The following SAMMSON variants were observed in gnomAD, a reference collection of about 807,000 sequenced individuals.
The protein encoded by SAMMSON is survival associated mitochondrial melanoma specific oncogenic non-coding RNA, also known as long intergenic non-protein coding RNA 1212.
At chr3:70,333,146 A>G (rs1215234813) in intron 7 of SAMMSON, among the ~76,000 whole-genome samples, 3 of 151,622 alleles carry the variant, frequency 2.0e-5, no homozygotes, top group Non-Finnish European at 2.9e-5. Flanking sequence ...CTTGTTTCCA[A>G]TATTGCCGGA....
chr3:70,400,078 A>C (rs1701127598), intron 2 of SAMMSON, among the ~76,000 whole-genome samples: 1 of 152,116 alleles, frequency 6.6e-6, no homozygotes, highest in Non-Finnish European at 1.5e-5. Flanking sequence ...TTCAATATAT[A>C]TTCAACATAT....
intron 7 of SAMMSON, among the ~76,000 whole-genome samples, chr3:70,303,667 C>T (rs1442265938): frequency 6.6e-6 from 1 of 152,058 alleles, no homozygotes; most frequent in African/African-American, 2.4e-5. Flanking sequence ...ATGTGCCACT[C>T]TTTGATAGTT....
At chr3:70,376,230 G>A (rs1227074073) in intron 9 of SAMMSON, among the ~76,000 whole-genome samples, 1 of 152,190 alleles carries the variant, frequency 6.6e-6, no homozygotes, top group Non-Finnish European at 1.5e-5. Flanking sequence ...ATACGTTCTA[G>A]AGAATTCACG....
intron 2 of SAMMSON, among the ~76,000 whole-genome samples, chr3:70,427,478 G>A (rs1366058375): frequency 6.6e-6 from 1 of 152,118 alleles, no homozygotes; most frequent in Non-Finnish European, 1.5e-5. Context: ...GGTGGCTCAC[G>A]CCTGTAATCC....
intron 7 of SAMMSON, among the ~76,000 whole-genome samples, chr3:70,305,027 A>C (rs1175871910): frequency 1.3e-5 from 2 of 151,910 alleles, no homozygotes; most frequent in African/African-American, 4.8e-5. Context: ...CATTCTTCTT[A>C]TTTAAGTCTC....
chr3:70,360,128 G>A (rs765375409), intron 9 of SAMMSON, among the ~76,000 whole-genome samples: 13 of 152,066 alleles, frequency 8.5e-5, no homozygotes, highest in Non-Finnish European at 1.5e-4. Flanking sequence ...TGAACAAGGG[G>A]ATTAGAGAAG....
At chr3:70,092,494 G>T (rs4855336) in intron 4 of SAMMSON, among the ~76,000 whole-genome samples, 148,806 of 151,144 alleles carry the variant, frequency 0.98, 73,280 homozygotes, top group East Asian at 1. Flanking sequence ...CTCATCATTC[G>T]AGAATCATAT....
At chr3:70,040,588 A>C (rs2107586393) in intron 3 of SAMMSON, among the ~76,000 whole-genome samples, 1 of 152,252 alleles carries the variant, frequency 6.6e-6, no homozygotes, top group African/African-American at 2.4e-5. Flanking sequence ...GGGAATCTAA[A>C]ATCATGAGTC....
intron 6 of SAMMSON, among the ~76,000 whole-genome samples, chr3:70,273,934 C>T (rs1701997646): frequency 6.6e-6 from 1 of 152,064 alleles, no homozygotes. Flanking sequence ...CCCAGAGCAG[C>T]CACAGGCACA....
intron 4 of SAMMSON, among the ~76,000 whole-genome samples, chr3:70,186,555 G>T (rs1701093824): frequency 6.6e-6 from 1 of 152,068 alleles, no homozygotes; most frequent in Non-Finnish European, 1.5e-5. Context: ...GGGATTACAG[G>T]CGTGAGCCAG....
intron 9 of SAMMSON, among the ~76,000 whole-genome samples, chr3:70,382,185 G>T (rs1444829756): frequency 6.6e-6 from 1 of 152,104 alleles, no homozygotes; most frequent in African/African-American, 2.4e-5. Flanking sequence ...AAGCACTTTA[G>T]TATGTGTCTG....
chr3:70,105,378 G>A (rs1447746368), intron 4 of SAMMSON, among the ~76,000 whole-genome samples: 1 of 152,172 alleles, frequency 6.6e-6, no homozygotes, highest in East Asian at 1.9e-4. Context: ...TGGAGCTGGA[G>A]TTTATATATC....
At chr3:70,433,881 A>C (rs554766741) in intron 2 of SAMMSON, among the ~76,000 whole-genome samples, 1 of 152,300 alleles carries the variant, frequency 6.6e-6, no homozygotes, top group African/African-American at 2.4e-5. Flanking sequence ...TGATAGTTCC[A>C]GCACCATTTG....
intron 6 of SAMMSON, among the ~76,000 whole-genome samples, chr3:70,259,492 G>T (rs1468811088): frequency 6.6e-6 from 1 of 152,088 alleles, no homozygotes; most frequent in Non-Finnish European, 1.5e-5. Flanking sequence ...CACTTGAAGG[G>T]CAGGGAGTCT....
rs554193263 is a variant in SAMMSON at position 70,261,525 on chromosome 3, G to A, written n.674+11855G>A. ...GATTAATAATTACATTTCAATTTCC[G>A]TGGTAATGACTCACTTCCATATCAT... On this transcript the variant is annotated intron_variant and non_coding_transcript_variant, in intron 6 of 9. Coordinates refer to ENST00000642114, the Ensembl canonical transcript of SAMMSON. Among the ~76,000 whole-genome samples, 15 of 152,050 alleles carry A rather than the reference G, an allele frequency of 9.9e-5. No homozygotes were observed. The East Asian group carries it at 1.5e-3, about 16-fold the overall frequency.
chr3:70,120,941 A>G (rs186530040), intron 4 of SAMMSON, among the ~76,000 whole-genome samples: 34 of 152,338 alleles, frequency 2.2e-4, no homozygotes, highest in Non-Finnish European at 4.4e-4. Context: ...ACATCGTAAT[A>G]CATAATGAAA....
chr3:70,090,558 C>T lies in SAMMSON; in HGVS notation n.507+18993C>T, dbSNP rs979367234. ...CAACCCATGTTGTGTCTAAAATAAT[C>T]GGGTTTTCGTTCTCTCTTTATTCAA... On this transcript the variant is annotated intron_variant and non_coding_transcript_variant, in intron 4 of 9. Transcript: ENST00000642114. Among the ~76,000 whole-genome samples, 8 of 152,130 alleles carry T rather than the reference C, an allele frequency of 5.3e-5. No homozygotes were observed. The South Asian group carries it at 1.0e-3, about 20-fold the overall frequency.
chr3:70,306,926 A>T (rs1575621782), intron 7 of SAMMSON, among the ~76,000 whole-genome samples: 1 of 152,190 alleles, frequency 6.6e-6, no homozygotes, highest in Non-Finnish European at 1.5e-5. Flanking sequence ...ACATATATAC[A>T]CATTGACTTT....
chr3:70,234,607 T>G (rs1260608481), intron 4 of SAMMSON, among the ~76,000 whole-genome samples: 1 of 150,430 alleles, frequency 6.6e-6, no homozygotes. Context: ...GCCACTGTAC[T>G]CCAGCCTGGG....
Sources: gnomAD v4.1 joint callset for allele counts (sites outside exome capture counted in the v4.1 genomes callset) on GRCh38, gnomAD v4.1.1 for gene constraint, MANE v1.5 for transcripts, NCBI Gene and HGNC (gene_info 2026-07-23, HGNC 2026-07-21) for gene names.